The following GLI3 variants were observed in gnomAD, a reference collection of about 807,000 sequenced individuals.
The protein encoded by GLI3 is GLI family zinc finger 3.
GLI3 carries 20 observed loss-of-function variants against 100.8 expected under a neutral mutation model. The observed-to-expected ratio is 0.20, with a 90% confidence interval of 0.14 to 0.29. The LOEUF (loss-of-function observed/expected upper bound fraction) is 0.29, where lower values mean the gene tolerates loss of function less well. GLI3 is among the 10% of genes least tolerant of loss of function. The pLI is 1.00. For missense variants in GLI3, 2,040 were observed against 2,128.5 expected (o/e 0.96, Z 0.82); for synonymous variants, 938 against 860.5 (o/e 1.09, Z -1.58).
chr7:42,128,454 G>T (rs1298851581), intron 3 of GLI3, among the ~76,000 whole-genome samples: 1 of 152,120 alleles, frequency 6.6e-6, no homozygotes, highest in East Asian at 1.9e-4. Flanking sequence ...TTGGCTTTTG[G>T]ATCACTGTCT....
chr7:42,213,704 A>C (rs573048344), intron 2 of GLI3, among the ~76,000 whole-genome samples: 1 of 152,370 alleles, frequency 6.6e-6, no homozygotes, highest in East Asian at 1.9e-4. Context: ...CAGGTGTCGC[A>C]GAATGGGCCC....
chr7:42,042,126 C>T (rs1192471469), intron 6 of GLI3, among the ~76,000 whole-genome samples: 2 of 151,628 alleles, frequency 1.3e-5, no homozygotes. Flanking sequence ...GATTCTTCTG[C>T]CTTAGCCTCC....
intron 3 of GLI3, among the ~76,000 whole-genome samples, chr7:42,139,369 G>A (rs1786509921): frequency 6.6e-6 from 1 of 152,182 alleles, no homozygotes; most frequent in Non-Finnish European, 1.5e-5. Flanking sequence ...AATAAATTGT[G>A]TTGTCTTGAA....
rs1789221291 is a variant in GLI3, at chr7:42,029,490, A to G, written c.1029-3078T>C. On this transcript the variant is annotated intron_variant, in intron 7 of 14. Transcript: ENST00000395925. ...ACCCTCAACTCTCTTGGGCAAGATC[A>G]AGGTATGAAAAGATTCTCCTGAGGT... 3.3e-5 allele frequency among the ~76,000 whole-genome samples: 5 copies of G among 152,174 alleles called. No homozygotes were observed. The South Asian group carries it at 1.0e-3, about 31-fold the overall frequency.
At chr7:42,056,448 G>T (rs1784463318) in intron 4 of GLI3, among the ~76,000 whole-genome samples, 1 of 152,160 alleles carries the variant, frequency 6.6e-6, no homozygotes, top group Non-Finnish European at 1.5e-5. Context: ...TATGGACAAT[G>T]AACCAGCACA....
chr7:42,247,621 C>T (rs1331925942), intron 1 of GLI3, among the ~76,000 whole-genome samples: 1 of 152,210 alleles, frequency 6.6e-6, no homozygotes, highest in African/African-American at 2.4e-5. Context: ...TCCAGTACTT[C>T]ATTCTATGAC....
chr7:42,032,252 T>A (rs1789316780), intron 7 of GLI3, among the ~76,000 whole-genome samples: 1 of 152,148 alleles, frequency 6.6e-6, no homozygotes, highest in Non-Finnish European at 1.5e-5. Flanking sequence ...AAAAAAAAAT[T>A]ATTTGTAACC....
At chr7:42,100,123 C>T (rs1785427094) in intron 3 of GLI3, among the ~76,000 whole-genome samples, 1 of 152,204 alleles carries the variant, frequency 6.6e-6, no homozygotes, top group African/African-American at 2.4e-5. Flanking sequence ...ACCAGTGTCT[C>T]CCACTCCCAA....
intron 6 of GLI3, among the ~76,000 whole-genome samples, chr7:42,044,369 A>C (rs993446030): frequency 2.0e-5 from 3 of 152,314 alleles, no homozygotes; most frequent in Non-Finnish European, 4.4e-5. Context: ...GCGCCTTGCA[A>C]ACGGATGTGT....
rs1458991889 is a variant in GLI3 at position 41,965,979 on chromosome 7, G to T, written c.3094C>A (p.Pro1032Thr). ...TCCGCGGACGTGGCCATCGCCGGGG[G>T]GTTGCAGCTGCTGAGGCTGCTGAAG... ...PRFSSLSSCN[P>T]PAMATSAEKR... is the part of the protein sequence containing the mutation. The change falls in exon 15 of 15, where the codon CCC becomes ACC. Residue 1032 changes from proline to threonine, a missense_variant. Pro to Thr is a conservative substitution (Grantham distance 38). Around this residue, in one of 5 missense-constraint regions of GLI3, gnomAD observed 1,041 missense variants for 924.0 expected, o/e 1.13. Coordinates refer to ENST00000395925, the MANE Select transcript of GLI3 (RefSeq NM_000168.6). 8 of 1,606,766 alleles carry T rather than the reference G, an allele frequency of 5.0e-6. No individual in the cohort carries two copies. Among genetic ancestry groups the T allele is most frequent in the Non-Finnish European group, 5.9e-6 (7 of 1,179,480 alleles).
At chr7:42,233,427 G>T (rs1339966672) in intron 1 of GLI3, among the ~76,000 whole-genome samples, 1 of 152,148 alleles carries the variant, frequency 6.6e-6, no homozygotes, top group Non-Finnish European at 1.5e-5. Flanking sequence ...GGGATTAGGG[G>T]GTTGATAAGA....
chr7:42,178,368 C>T (rs1401570746), intron 2 of GLI3, among the ~76,000 whole-genome samples: 1 of 152,174 alleles, frequency 6.6e-6, no homozygotes, highest in Non-Finnish European at 1.5e-5. Context: ...GTAAAAGCTC[C>T]TCGGGCAATG....
At chr7:42,158,692 T>C (rs1787061135) in intron 2 of GLI3, among the ~76,000 whole-genome samples, 2 of 152,126 alleles carry the variant, frequency 1.3e-5, no homozygotes, top group South Asian at 4.1e-4. Context: ...GATTTCACAA[T>C]GTTGGCCAGG....
At chr7:41,984,765 G>A (rs572376259) in intron 10 of GLI3, among the ~76,000 whole-genome samples, 3 of 152,316 alleles carry the variant, frequency 2.0e-5, no homozygotes, top group South Asian at 2.1e-4. Context: ...TACTTTTCAC[G>A]CCAGTCTTTC....
chr7:42,084,185 C>T (rs906595616), intron 3 of GLI3, among the ~76,000 whole-genome samples: 1 of 152,228 alleles, frequency 6.6e-6, no homozygotes. Flanking sequence ...CATCACTACA[C>T]TCTGGCCACA....
chr7:42,095,318 G>C (rs949987346), intron 3 of GLI3, among the ~76,000 whole-genome samples: 2 of 152,212 alleles, frequency 1.3e-5, no homozygotes, highest in African/African-American at 4.8e-5. Context: ...ACGGAAGCGT[G>C]CAAGAAGATG....
At chr7:42,050,475 C>T (rs564499153) in intron 4 of GLI3, among the ~76,000 whole-genome samples, 1 of 152,166 alleles carries the variant, frequency 6.6e-6, no homozygotes, top group African/African-American at 2.4e-5. Flanking sequence ...TAGACGTGTC[C>T]GCCATTGGTT....
rs369440387 is a variant in GLI3, at chr7:41,965,451, C to A, written c.3622G>T (p.Gly1208Trp). ...VVHPQNPLRSGPAGGYQTLGE... is the reference protein window; with the variant it reads ...VVHPQNPLRSWPAGGYQTLGE... ...AGGGTCTGATAGCCCCCAGCAGGCC[C>A]GCTCCTCAAGGGGTTCTGCGGGTGG... is the stretch of plus-strand genomic sequence containing the variant. The change falls in exon 15 of 15, where the codon GGG (glycine) becomes TGG (tryptophan). Residue 1208 changes from glycine (G) to tryptophan (W), a missense_variant. Gly to Trp is a radical substitution (Grantham distance 184). This residue lies in a region of GLI3 where 1,041 missense variants were observed against 924.0 expected (regional missense o/e 1.13). Transcript: ENST00000395925. 51 of 1,607,922 alleles carry A rather than the reference C, an allele frequency of 3.2e-5. No homozygotes were observed. The highest frequency in any genetic ancestry group is 4.2e-5 in the Non-Finnish European group (49 of 1,177,038).
chr7:42,228,555 A>G (rs1458524796), intron 1 of GLI3, among the ~76,000 whole-genome samples: 1 of 152,130 alleles, frequency 6.6e-6, no homozygotes, highest in Non-Finnish European at 1.5e-5. Context: ...ATTTCCAGCA[A>G]ACACTGGCAA....
Sources: allele counts gnomAD v4.1 joint callset (sites outside exome capture counted in the v4.1 genomes callset), GRCh38; gene constraint gnomAD v4.1.1; regional missense constraint gnomAD v4.1.1; transcripts MANE v1.5; gene names NCBI Gene and HGNC (gene_info 2026-07-23, HGNC 2026-07-21).